GRB14: variants seen among roughly 807,000 people sequenced by gnomAD.
The protein encoded by GRB14 is growth factor receptor bound protein 14, also known as growth factor receptor-bound protein 14.
In GRB14, 38 loss-of-function variants were observed where a neutral mutation model predicts 69.1. The ratio of observed to expected loss-of-function variants is 0.55; its 90% confidence interval spans 0.42 to 0.72. GRB14 has a LOEUF of 0.72. Among genes scored for constraint, GRB14 ranks in the 30% least tolerant of loss-of-function variants. GRB14 has a pLI of 0.00. For synonymous variants in GRB14, 247 were observed against 241.3 expected, an observed-to-expected ratio of 1.02 and a Z score of -0.22; for missense variants, 666 against 666.1, an observed-to-expected ratio of 1.00 and a Z score of 0.00.
At chr2:164,569,408 C>G (rs1049965116) in intron 2 of GRB14, among the ~76,000 whole-genome samples, 1 of 152,166 alleles carries the variant, frequency 6.6e-6, no homozygotes, top group Non-Finnish European at 1.5e-5. Context: ...TGAGCTTTTA[C>G]AATTGTAAAA....
At chr2:164,532,568 G>A (rs1451394798) in intron 3 of GRB14, among the ~76,000 whole-genome samples, 1 of 152,096 alleles carries the variant, frequency 6.6e-6, no homozygotes, top group African/African-American at 2.4e-5. Flanking sequence ...TAAGACAGAG[G>A]CAGGTGATTT....
chr2:164,526,506 G>T (rs1687778391), intron 4 of GRB14, among the ~76,000 whole-genome samples: 2 of 151,670 alleles, frequency 1.3e-5, no homozygotes, highest in Admixed American at 1.3e-4. Context: ...AAATAATTTG[G>T]AATAGCAAGA....
intron 2 of GRB14, among the ~76,000 whole-genome samples, chr2:164,570,145 C>G (rs113029313): frequency 6.6e-6 from 1 of 151,718 alleles, no homozygotes; most frequent in Non-Finnish European, 1.5e-5. Context: ...CATGGTGGCA[C>G]GTGCCTGTAG....
intron 3 of GRB14, among the ~76,000 whole-genome samples, chr2:164,545,711 A>G (rs922974757): frequency 1.3e-5 from 2 of 152,248 alleles, no homozygotes; most frequent in Admixed American, 6.5e-5. Context: ...AAAGAATCGA[A>G]TGACACTGCC....
intron 9 of GRB14, among the ~76,000 whole-genome samples, chr2:164,498,655 C>A (rs1686968907): frequency 6.6e-6 from 1 of 152,106 alleles, no homozygotes; most frequent in Non-Finnish European, 1.5e-5. Flanking sequence ...GCATCTGGGG[C>A]CCCCTGGCTT....
In GRB14 at chr2:164,547,784, G is replaced by C. The variant is rs746011733; in HGVS notation, c.357C>G (p.Ser119Arg). ...TGTCACTGGGTACATCTAAAGCCCTGCTGGTTTCATCTTCACTGTATACTT... is the reference window on the plus strand; with the variant it reads ...TGTCACTGGGTACATCTAAAGCCCTCCTGGTTTCATCTTCACTGTATACTT... ...VIKVYSEDET[S>R]RALDVPSDIT... Residue 119 changes from serine (S) to arginine (R), a missense_variant, in exon 3 of 14, where the codon AGC (serine) becomes AGG (arginine). By Grantham distance (110) the Ser-to-Arg change is moderately radical. Transcript: ENST00000263915. The C allele has an allele frequency of 1.9e-6, 3 of 1,613,378 alleles. No individual in the cohort carries two copies. The highest frequency in any genetic ancestry group is 2.5e-6 in the Non-Finnish European group (3 of 1,179,540).
chr2:164,522,116 A>G lies in GRB14; in HGVS notation c.680T>C (p.Met227Thr). 1 of 1,543,236 alleles carries G rather than the reference A, an allele frequency of 6.5e-7. No individual in the cohort carries two copies. Among genetic ancestry groups the G allele is most frequent in the Non-Finnish European group, 8.8e-7 (1 of 1,131,904 alleles). ...GEISPTQILQ[M>T]FLSSSTYPEI... ...AGGATATGTGCTTGAACTCAGAAAC[A>G]TCTGAAAGAAAATTTATATATTTTC... The change falls in exon 6 of 14, where the codon ATG (methionine) becomes ACG (threonine). Residue 227 changes from methionine to threonine, a missense_variant and splice_region_variant. Met to Thr is a moderately conservative substitution (Grantham distance 81, BLOSUM62 -1). Coordinates refer to ENST00000263915, the MANE Select transcript of GRB14 (RefSeq NM_004490.3).
intron 2 of GRB14, among the ~76,000 whole-genome samples, chr2:164,603,492 C>A (rs1239415699): frequency 6.6e-6 from 1 of 151,794 alleles, no homozygotes; most frequent in East Asian, 1.9e-4. Flanking sequence ...AGTGAAACCC[C>A]GTCTCTGCTA....
In GRB14 at chr2:164,492,712, T is replaced by C. The variant is rs12998481; in HGVS notation, c.*324A>G. 103,479 of 179,122 alleles carry C rather than the reference T, an allele frequency of 0.58. 31,186 individuals are homozygous for C. Among genetic ancestry groups the C allele is most frequent in the Non-Finnish European group, 0.66 (56,731 of 86,450 alleles). 11.1% of individuals were successfully genotyped at this position (179,122 alleles called of 1,614,324 possible). On this transcript the variant is annotated 3_prime_UTR_variant, in exon 14 of 14. Transcript: ENST00000263915. ...TTATTTCATATTTTGTGTTTCAGAA[T>C]TCTGATGTTGCTATATGGTAAATAA...
chr2:164,565,605 G>T (rs1381418027), intron 2 of GRB14, among the ~76,000 whole-genome samples: 2 of 152,138 alleles, frequency 1.3e-5, no homozygotes, highest in Non-Finnish European at 2.9e-5. Context: ...ATTTGAAAAA[G>T]TAAAAAGCTA....
chr2:164,592,932 C>T (rs2105347037), intron 2 of GRB14, among the ~76,000 whole-genome samples: 1 of 152,272 alleles, frequency 6.6e-6, no homozygotes, highest in South Asian at 2.1e-4. Flanking sequence ...CTTTGTCATT[C>T]CCCATGATAA....
At chr2:164,564,994 G>A (rs1271336372) in intron 2 of GRB14, among the ~76,000 whole-genome samples, 2 of 152,112 alleles carry the variant, frequency 1.3e-5, no homozygotes, top group Non-Finnish European at 2.9e-5. Flanking sequence ...CAGCCTGGGT[G>A]ACAGAGCAAG....
intron 2 of GRB14, among the ~76,000 whole-genome samples, chr2:164,570,642 T>G (rs541087115): frequency 6.6e-6 from 1 of 152,230 alleles, no homozygotes; most frequent in East Asian, 1.9e-4. Context: ...GTGAGGAATA[T>G]GCAGAACTTG....
rs189107857 is a variant in GRB14 at position 164,504,787 on chromosome 2, G to A, written c.1024-2452C>T. ...AAGCTACATGGAAAAAGGGAATTAA[G>A]GTTGTCAATCAGCTGATTGTAAGGT... On this transcript the variant is annotated intron_variant, in intron 8 of 13. Transcript: ENST00000263915. 1.1e-4 allele frequency among the ~76,000 whole-genome samples: 17 copies of A among 152,302 alleles called. No homozygotes were observed. The East Asian group carries it at 3.3e-3, about 29-fold the overall frequency.
intron 2 of GRB14, among the ~76,000 whole-genome samples, chr2:164,593,765 C>T: frequency 6.6e-6 from 1 of 152,108 alleles, no homozygotes; most frequent in Admixed American, 6.6e-5. Context: ...TGGAAATTTC[C>T]AGGAGGGATG....
At chr2:164,538,925 T>C (rs926618850) in intron 3 of GRB14, among the ~76,000 whole-genome samples, 1 of 152,188 alleles carries the variant, frequency 6.6e-6, no homozygotes, top group Admixed American at 6.5e-5. Context: ...ACGAAAGTTT[T>C]CCTGGTGGTT....
At chr2:164,577,173 T>C (rs1195605290) in intron 2 of GRB14, among the ~76,000 whole-genome samples, 1 of 152,166 alleles carries the variant, frequency 6.6e-6, no homozygotes, top group Non-Finnish European at 1.5e-5. Flanking sequence ...TACAAAAAAA[T>C]TCTATATAAC....
intron 2 of GRB14, among the ~76,000 whole-genome samples, chr2:164,602,925 G>A (rs949677433): frequency 6.6e-6 from 1 of 152,148 alleles, no homozygotes; most frequent in Non-Finnish European, 1.5e-5. Context: ...AAAGAGATAT[G>A]CAGGAAGATT....
chr2:164,520,556 A>C (rs1687610794), intron 6 of GRB14, among the ~76,000 whole-genome samples: 2 of 152,200 alleles, frequency 1.3e-5, no homozygotes, highest in South Asian at 4.1e-4. Context: ...AACACTCATC[A>C]GAGTAAACAG....
Sources: gnomAD v4.1 joint callset for allele counts (sites outside exome capture counted in the v4.1 genomes callset) on GRCh38, gnomAD v4.1.1 for gene constraint, MANE v1.5 for transcripts, NCBI Gene and HGNC (gene_info 2026-07-23, HGNC 2026-07-21) for gene names.